Variants in ANO1 observed in about 807,000 individuals in gnomAD.
ANO1 encodes anoctamin-1.
Under a neutral mutation model 124.0 loss-of-function variants are expected in ANO1, and 59 were observed. That is an observed-to-expected ratio of 0.48 (90% CI 0.39 to 0.59). ANO1 has a LOEUF of 0.59. ANO1 is among the 20% of genes least tolerant of loss of function. The probability of loss-of-function intolerance (pLI) is 0.00; values close to 1 mark genes in which losing one functional copy is unlikely to be tolerated. For synonymous variants in ANO1, 529 were observed against 532.0 expected, an observed-to-expected ratio of 0.99 and a Z score of 0.08; for missense variants, 1,059 against 1,328.0, an observed-to-expected ratio of 0.80 and a Z score of 3.15.
rs2047564467 is a variant in ANO1 at position 70,150,606 on chromosome 11, C to T, written c.1341+814C>T. ...CTGCGGTGCAATGGCATGATCATAGCTCACTGCAGCCTTGACCTCCCGGGC... is the reference window on the plus strand; with the variant it reads ...CTGCGGTGCAATGGCATGATCATAGTTCACTGCAGCCTTGACCTCCCGGGC... On this transcript the variant is annotated intron_variant, in intron 12 of 25. Transcript: ENST00000355303. Among the ~76,000 whole-genome samples the T allele has an allele frequency of 2.0e-5, 3 of 152,172 alleles. No individual in the cohort carries two copies. The South Asian group carries it at 6.2e-4, about 31-fold the overall frequency.
intron 1 of ANO1, among the ~76,000 whole-genome samples, chr11:70,041,132 G>A (rs1280851733): frequency 6.6e-6 from 1 of 152,142 alleles, no homozygotes. Context: ...GACAGTAGGG[G>A]CAGGGGATGC....
intron 11 of ANO1, among the ~76,000 whole-genome samples, chr11:70,147,733 G>T (rs1292051277): frequency 6.6e-6 from 1 of 152,116 alleles, no homozygotes; most frequent in African/African-American, 2.4e-5. Context: ...ACTTCCCCTG[G>T]GAAGCCCTTC....
intron 2 of ANO1, among the ~76,000 whole-genome samples, chr11:70,100,405 T>C (rs190454929): frequency 1.1e-3 from 164 of 152,128 alleles, no homozygotes; most frequent in Admixed American, 2.5e-3. Context: ...CAGAGGGAAA[T>C]TTGAGACCCA....
intron 5 of ANO1, among the ~76,000 whole-genome samples, chr11:70,106,998 C>G (rs919893401): frequency 7.9e-5 from 12 of 152,180 alleles, no homozygotes; most frequent in African/African-American, 2.9e-4. Flanking sequence ...AGAAGGATCA[C>G]TGCCAGTGGC....
intron 6 of ANO1, among the ~76,000 whole-genome samples, chr11:70,110,002 A>G (rs1265263587): frequency 6.6e-6 from 1 of 152,026 alleles, no homozygotes; most frequent in Admixed American, 6.6e-5. Flanking sequence ...GTTGTGTCCC[A>G]TAGTCTTGCA....
At chr11:70,076,395 C>G (rs1277293791), upstream of ANO1, among the ~76,000 whole-genome samples, 4 of 152,044 alleles carry the variant, frequency 2.6e-5, no homozygotes, top group African/African-American at 9.7e-5. Flanking sequence ...CCTTTGGGAG[C>G]ACCAGTGTGT....
At chr11:70,186,332 G>C (rs79484989) in intron 25 of ANO1, among the ~76,000 whole-genome samples, 3 of 144,934 alleles carry the variant, frequency 2.1e-5, no homozygotes, top group African/African-American at 7.8e-5. Context: ...AGGAGGAGGA[G>C]GAGGACGAGG....
chr11:70,161,451 AACTTC>A, intron 17 of ANO1, 89 bp downstream of exon 17: 1 of 1,491,166 alleles, frequency 6.7e-7, no homozygotes. Context: ...TTTGTTGCTT[AACTTC>A]TCTGGGCCCC....
Position 70,085,733 on chromosome 11 carries a change from A to G in ANO1, c.109-2019A>G, listed in dbSNP as rs1376257386. The G allele has an allele frequency of 2.8e-6, 4 of 1,421,662 alleles. No individual in the cohort carries two copies. The Admixed American group carries it at 1.1e-4, about 40-fold the overall frequency. The allele number at this position is 1,421,662 out of a possible 1,614,324, so 88.1% of individuals were successfully genotyped here. ...CTCCTCTCTCCTTCCCCTACAACTAAAAAGGACAGCCTCCACTCGAGGCCT... is the reference window on the plus strand; with the variant it reads ...CTCCTCTCTCCTTCCCCTACAACTAGAAAGGACAGCCTCCACTCGAGGCCT... On this transcript the variant is annotated intron_variant, in intron 1 of 25. Coordinates refer to ENST00000355303, the MANE Select transcript of ANO1 (RefSeq NM_018043.7).
chr11:70,162,576 G>T (rs937759054), intron 18 of ANO1, among the ~76,000 whole-genome samples: 3 of 152,100 alleles, frequency 2.0e-5, no homozygotes, highest in African/African-American at 7.2e-5. Flanking sequence ...CTGCGGTGGG[G>T]CCTGCGGCCC....
Position 70,171,044 on chromosome 11 carries a change from G to A in ANO1, c.2350+5G>A. 6.2e-7 allele frequency: 1 copy of A among 1,610,990 alleles called. No individual in the cohort carries two copies. The highest frequency in any genetic ancestry group is 8.5e-7 in the Non-Finnish European group (1 of 1,178,698). Reference sequence around the variant, plus strand: ...CTGTCAGAGCCAAAGACATCGGTGAGTGACCCCACGGGCCGGCAGAACCGG... The same window carrying A: ...CTGTCAGAGCCAAAGACATCGGTGAATGACCCCACGGGCCGGCAGAACCGG... On this transcript the variant is annotated splice_donor_5th_base_variant and intron_variant, in intron 22 of 25. Transcript: ENST00000355303.
At chr11:70,007,898 C>G (rs538045237) in intron 1 of ANO1, among the ~76,000 whole-genome samples, 24 of 152,268 alleles carry the variant, frequency 1.6e-4, no homozygotes, top group Non-Finnish European at 2.6e-4. Context: ...CATCCTCATC[C>G]AAACGTGTTA....
At chr11:70,147,882 C>T (rs1046728717) in intron 11 of ANO1, among the ~76,000 whole-genome samples, 16 of 152,194 alleles carry the variant, frequency 1.1e-4, no homozygotes, top group African/African-American at 3.4e-4. Flanking sequence ...CACCATCCCC[C>T]GTGTGGCTTC....
At chr11:70,176,496 A>G (rs1027186941) in intron 22 of ANO1, among the ~76,000 whole-genome samples, 2 of 152,178 alleles carry the variant, frequency 1.3e-5, no homozygotes, top group Non-Finnish European at 2.9e-5. Context: ...ATCAATAGAA[A>G]GGAAAGTCTG....
chr11:70,152,887 C>T (rs1457121909), intron 13 of ANO1, among the ~76,000 whole-genome samples, 170 bp from the exon 14 acceptor site: 1 of 152,244 alleles, frequency 6.6e-6, no homozygotes, highest in Admixed American at 6.5e-5. Flanking sequence ...GGGTCACTAT[C>T]CAGACCACAG....
chr11:70,062,990 TG>T (rs1857627203), intron 1 of ANO1, among the ~76,000 whole-genome samples: 1 of 152,094 alleles, frequency 6.6e-6, no homozygotes. Flanking sequence ...AGTACAGTGG[TG>T]CAATCTCGGC....
chr11:70,085,055 G>A (rs910772317), intron 1 of ANO1, among the ~76,000 whole-genome samples: 1 of 152,100 alleles, frequency 6.6e-6, no homozygotes, highest in Non-Finnish European at 1.5e-5. Context: ...AAGGGGGGCC[G>A]CACCTTGGGC....
chr11:70,162,423 G>GAGTCCA (rs996875941), intron 18 of ANO1, among the ~76,000 whole-genome samples: 13 of 152,118 alleles, frequency 8.5e-5, no homozygotes, highest in African/African-American at 2.9e-4. Context: ...AGGTAGGGAG[G>GAGTCCA]AGTCCACGTA....
intron 1 of ANO1, among the ~76,000 whole-genome samples, chr11:70,068,665 T>C (rs1332099270): frequency 6.6e-6 from 1 of 152,014 alleles, no homozygotes; most frequent in Non-Finnish European, 1.5e-5. Flanking sequence ...AATTAACTCC[T>C]GGGAGGAGGA....
Sources: gnomAD v4.1 joint callset for allele counts (sites outside exome capture counted in the v4.1 genomes callset) on GRCh38, gnomAD v4.1.1 for gene constraint, MANE v1.5 for transcripts, NCBI Gene and HGNC (gene_info 2026-07-23, HGNC 2026-07-21) for gene names.